The following ANKRD22 variants were observed in gnomAD, a reference collection of about 807,000 sequenced individuals.
ANKRD22 encodes the protein ankyrin repeat domain-containing protein 22.
ANKRD22 carries 24 observed loss-of-function variants against 25.7 expected under a neutral mutation model. That is an observed-to-expected ratio of 0.93 (90% CI 0.68 to 1.31). The LOEUF (loss-of-function observed/expected upper bound fraction) is 1.31. ANKRD22 is among the 50% of genes most tolerant of loss of function. The pLI, the probability that ANKRD22 is intolerant of heterozygous loss-of-function variation, is 0.00. For missense variants in ANKRD22, 214 were observed against 227.1 expected, an observed-to-expected ratio of 0.94 and a Z score of 0.37; for synonymous variants, 84 against 84.3, an observed-to-expected ratio of 1.00 and a Z score of 0.02.
chr10:88,836,762 C>T (rs1038989544), intron 1 of ANKRD22, among the ~76,000 whole-genome samples: 1 of 152,116 alleles, frequency 6.6e-6, no homozygotes, highest in Non-Finnish European at 1.5e-5. Context: ...TCCAACCTGA[C>T]CTAGAATCAG....
chr10:88,850,477 C>T (rs899885104), intron 1 of ANKRD22, among the ~76,000 whole-genome samples: 2 of 152,070 alleles, frequency 1.3e-5, no homozygotes, highest in Non-Finnish European at 2.9e-5. Flanking sequence ...AAACAGATCA[C>T]CCCTATGTCA....
At position 88,822,113 on chromosome 10, in the gene ANKRD22, A is replaced by C. The variant is rs939154940; in HGVS notation, c.*828T>G. 1 of 152,222 alleles carries C rather than the reference A, an allele frequency of 6.6e-6. No homozygotes were observed. The highest frequency in any genetic ancestry group is 6.5e-5 in the Admixed American group (1 of 15,290). 9.4% of individuals were successfully genotyped at this position (152,222 alleles called of 1,614,324 possible). On this transcript the variant is annotated 3_prime_UTR_variant, in exon 6 of 6. Transcript: ENST00000371930. ...TAGTTGCATAGTCTTGCTCAAACCA[A>C]GATGGCTTTTATTTGTAAACCGAAA...
chr10:88,847,921 TG>T (rs1844066924), intron 1 of ANKRD22, among the ~76,000 whole-genome samples: 1 of 151,828 alleles, frequency 6.6e-6, no homozygotes, highest in Non-Finnish European at 1.5e-5. Context: ...TGGGAAAAAC[TG>T]GGTGTTCAAG....
rs558702141 is a variant in ANKRD22, at chr10:88,820,600, T to C, written c.*2341A>G. 8.3e-7 allele frequency: 1 copy of C among 1,210,504 alleles called. No homozygotes were observed. Among genetic ancestry groups the C allele is most frequent in the East Asian group, 2.6e-5 (1 of 38,750 alleles). 75.0% of individuals were successfully genotyped at this position (1,210,504 alleles called of 1,614,324 possible). A position where few individuals can be genotyped will look rare whatever the true frequency, so the allele number is the denominator to read the frequency against. The stretch of plus-strand genomic sequence containing the variant: ...AGAGCAGAGACCTAGTATACATTTT[T>C]CAGATTCCCTGCACTTGGCACTAAA... On this transcript the variant is annotated 3_prime_UTR_variant, in exon 6 of 6. Coordinates refer to ENST00000371930, the MANE Select transcript of ANKRD22 (RefSeq NM_144590.3).
chr10:88,834,247 A>G (rs1378419267), intron 1 of ANKRD22, among the ~76,000 whole-genome samples: 5 of 152,386 alleles, frequency 3.3e-5, no homozygotes, highest in African/African-American at 1.2e-4. Context: ...TTTTTCAATT[A>G]AATGTATTTA....
chr10:88,825,205 G>C (rs760248404), intron 4 of ANKRD22, among the ~76,000 whole-genome samples: 2 of 152,182 alleles, frequency 1.3e-5, no homozygotes, highest in Non-Finnish European at 2.9e-5. Flanking sequence ...TAGAATGTTA[G>C]TATTTTGGAA....
intron 1 of ANKRD22, 36 bp downstream of exon 1, chr10:88,851,551 C>T (rs1844104770): frequency 6.2e-7 from 1 of 1,611,222 alleles, no homozygotes; most frequent in Non-Finnish European, 8.5e-7. Context: ...TAACTTTTAA[C>T]ATCTTTGGAA....
chr10:88,841,632 A>G (rs1374166617), intron 1 of ANKRD22, among the ~76,000 whole-genome samples: 3 of 152,174 alleles, frequency 2.0e-5, no homozygotes, highest in Admixed American at 6.5e-5. Flanking sequence ...TCTCTGGGCC[A>G]GACAAATCCA....
At chr10:88,826,209 C>G in intron 3 of ANKRD22, 94 bp from the exon 4 acceptor site, 2 of 1,029,766 alleles carry the variant, frequency 1.9e-6, no homozygotes, top group Non-Finnish European at 2.9e-6. Context: ...TCATTTTAAT[C>G]CCAACACTCC....
intron 1 of ANKRD22, among the ~76,000 whole-genome samples, chr10:88,849,234 T>C (rs1844081507): frequency 6.6e-6 from 1 of 152,124 alleles, no homozygotes; most frequent in African/African-American, 2.4e-5. Context: ...TTTTCTTCTT[T>C]CCGATTTTTG....
At chr10:88,838,979 C>A (rs1450130036) in intron 1 of ANKRD22, among the ~76,000 whole-genome samples, 1 of 152,166 alleles carries the variant, frequency 6.6e-6, no homozygotes, top group Non-Finnish European at 1.5e-5. Flanking sequence ...TCCCTAGAGC[C>A]GTGCTCTGGA....
At chr10:88,824,217 T>C (rs1409817152) in intron 4 of ANKRD22, among the ~76,000 whole-genome samples, 1 of 152,256 alleles carries the variant, frequency 6.6e-6, no homozygotes, top group Admixed American at 6.5e-5. Flanking sequence ...CTAGTGCATC[T>C]ACTCTGTTGG....
At chr10:88,825,871 A>G (rs1589322198) in intron 4 of ANKRD22, among the ~76,000 whole-genome samples, 167 bp downstream of exon 4, 1 of 152,372 alleles carries the variant, frequency 6.6e-6, no homozygotes, top group South Asian at 2.1e-4. Flanking sequence ...TCAGCAGAAT[A>G]TAAATAACCT....
rs372411272 is a variant in ANKRD22, at chr10:88,832,033, C to A, written c.22-7G>T. The A allele has an allele frequency of 1.2e-5, 19 of 1,581,154 alleles. No homozygotes were observed. Among genetic ancestry groups the A allele is most frequent in the Non-Finnish European group, 1.6e-5 (19 of 1,166,762 alleles). ...AGGCTGCTTGGCAGATGGGCTGGGT[C>A]GGGAAAAACAAAAGCAGGTTTTGAA... On this transcript the variant is annotated splice_polypyrimidine_tract_variant and splice_region_variant and intron_variant, in intron 1 of 5. Coordinates refer to ENST00000371930, the MANE Select transcript of ANKRD22 (RefSeq NM_144590.3).
chr10:88,823,191 C>T, intron 5 of ANKRD22, 89 bp downstream of exon 5: 1 of 1,335,628 alleles, frequency 7.5e-7, no homozygotes, highest in Non-Finnish European at 1.1e-6. Context: ...TTGTTTACGT[C>T]AGAGGCAAAT....
At chr10:88,845,494 C>T (rs1335804672) in intron 1 of ANKRD22, among the ~76,000 whole-genome samples, 4 of 152,120 alleles carry the variant, frequency 2.6e-5, no homozygotes, top group East Asian at 1.9e-4. Flanking sequence ...TCATGGATAT[C>T]GCTAAAGTAC....
intron 1 of ANKRD22, among the ~76,000 whole-genome samples, chr10:88,840,294 G>A (rs936782568): frequency 6.6e-6 from 1 of 152,144 alleles, no homozygotes. Context: ...AAAATAATCA[G>A]CATGTTGATG....
At chr10:88,823,465 C>G in intron 4 of ANKRD22, 87 bp from the exon 5 acceptor site, 1 of 946,918 alleles carries the variant, frequency 1.1e-6, no homozygotes, top group Non-Finnish European at 1.7e-6. Flanking sequence ...ATCCTTTTCA[C>G]ACTTTGTAGT....
chr10:88,825,916 A>T lies in ANKRD22; in HGVS notation c.399+122T>A, dbSNP rs1843851300. 9.4e-6 allele frequency: 8 copies of T among 852,458 alleles called. No homozygotes were observed. In the East Asian group the frequency reaches 2.2e-4, roughly 24 times the overall value. 52.8% of individuals were successfully genotyped at this position (852,458 alleles called of 1,614,324 possible). A position where few individuals can be genotyped will look rare whatever the true frequency, so the allele number is the denominator to read the frequency against. On this transcript the variant is annotated intron_variant, in intron 4 of 5. Transcript: ENST00000371930. ...CTGTCAGTGGGAAAAAAAAGGAGAA[A>T]ATAAAAGAAAACTAAATGTAAAATT...
Sources: gnomAD v4.1 joint callset for allele counts (sites outside exome capture counted in the v4.1 genomes callset) on GRCh38, gnomAD v4.1.1 for gene constraint, MANE v1.5 for transcripts, NCBI Gene and HGNC (gene_info 2026-07-23, HGNC 2026-07-21) for gene names.